The following ANKIB1 variants were observed in gnomAD, a reference collection of about 807,000 sequenced individuals.
ANKIB1 encodes ankyrin repeat and IBR domain containing 1, also known as ankyrin repeat and IBR domain-containing protein 1.
ANKIB1 carries 43 observed loss-of-function variants against 122.1 expected under a neutral mutation model. That is an observed-to-expected ratio of 0.35 (90% CI 0.28 to 0.45). The LOEUF (loss-of-function observed/expected upper bound fraction) is 0.45. Ranked by LOEUF, ANKIB1 falls within the 20% of genes least tolerant of loss-of-function variation. ANKIB1 has a pLI of 1.00. For missense variants in ANKIB1, 992 were observed against 1,329.5 expected, an observed-to-expected ratio of 0.75 and a Z score of 3.95; for synonymous variants, 390 against 442.0, an observed-to-expected ratio of 0.88 and a Z score of 1.48.
intron 4 of ANKIB1, chr7:92,319,727 C>T (rs897993381): frequency 2.8e-5 from 14 of 500,986 alleles, no homozygotes; most frequent in East Asian, 7.6e-5. Flanking sequence ...GCCAAGGCAC[C>T]GGAGTTCTGA....
chr7:92,352,232 T>C (rs549723717), intron 8 of ANKIB1, among the ~76,000 whole-genome samples: 2 of 152,324 alleles, frequency 1.3e-5, no homozygotes, highest in South Asian at 2.1e-4. Context: ...ACATGGTTTT[T>C]AGATTAAAGA....
At chr7:92,251,761 T>C (rs543279162) in intron 1 of ANKIB1, among the ~76,000 whole-genome samples, 2 of 152,294 alleles carry the variant, frequency 1.3e-5, no homozygotes, top group Admixed American at 6.5e-5. Flanking sequence ...CACTCTCTTA[T>C]ACAGCCAACA....
chr7:92,294,144 A>C (rs1209776511), intron 1 of ANKIB1, among the ~76,000 whole-genome samples: 1 of 152,220 alleles, frequency 6.6e-6, no homozygotes, highest in African/African-American at 2.4e-5. Flanking sequence ...ACATTGCTTC[A>C]GTAGTAAATA....
At chr7:92,390,405 A>G (rs1009155421) in intron 15 of ANKIB1, among the ~76,000 whole-genome samples, 3 of 152,156 alleles carry the variant, frequency 2.0e-5, no homozygotes, top group Non-Finnish European at 4.4e-5. Context: ...AATCAGGCAT[A>G]TTTCTGATTA....
intron 1 of ANKIB1, among the ~76,000 whole-genome samples, chr7:92,252,193 T>C (rs983603547): frequency 6.6e-6 from 1 of 152,224 alleles, no homozygotes; most frequent in Non-Finnish European, 1.5e-5. Flanking sequence ...CTTTGTGATT[T>C]ATTAGTGTTT....
intron 2 of ANKIB1, among the ~76,000 whole-genome samples, chr7:92,300,707 G>A (rs1009857876): frequency 2.0e-5 from 3 of 151,914 alleles, no homozygotes; most frequent in African/African-American, 4.8e-5. Flanking sequence ...TCTGTGTGGC[G>A]AAAATACTTA....
intron 11 of ANKIB1, among the ~76,000 whole-genome samples, chr7:92,382,823 A>G (rs1437954487): frequency 3.3e-5 from 5 of 152,196 alleles, no homozygotes; most frequent in African/African-American, 1.2e-4. Context: ...CATCACAATT[A>G]AAAGAACTAG....
intron 5 of ANKIB1, among the ~76,000 whole-genome samples, chr7:92,329,775 T>G (rs1803123284): frequency 6.6e-6 from 1 of 152,168 alleles, no homozygotes; most frequent in Admixed American, 6.5e-5. Context: ...TCTAATTATC[T>G]TTCAGCCTCC....
chr7:92,311,331 G>A (rs1802687360), intron 3 of ANKIB1, among the ~76,000 whole-genome samples: 2 of 152,134 alleles, frequency 1.3e-5, no homozygotes, highest in South Asian at 2.1e-4. Flanking sequence ...CTCAGCCACT[G>A]TAATAGTTTC....
chr7:92,287,789 A>T (rs1349590809), intron 1 of ANKIB1, among the ~76,000 whole-genome samples: 1 of 152,146 alleles, frequency 6.6e-6, no homozygotes, highest in Non-Finnish European at 1.5e-5. Context: ...TAATCCCAGC[A>T]CTTTGGGAGG....
At chr7:92,321,372 CTT>C (rs1354130564) in intron 4 of ANKIB1, among the ~76,000 whole-genome samples, 1 of 152,102 alleles carries the variant, frequency 6.6e-6, no homozygotes, top group East Asian at 1.9e-4. Flanking sequence ...TTATCTGAAA[CTT>C]TATACCCCCT....
rs1362329892 is a variant in ANKIB1, at chr7:92,246,313, C to T, written c.-297C>T. 2.4e-6 allele frequency: 1 copy of T among 410,592 alleles called. No individual in the cohort carries two copies. Among genetic ancestry groups the T allele is most frequent in the African/African-American group, 2.2e-5 (1 of 45,826 alleles). 25.4% of individuals were successfully genotyped at this position (410,592 alleles called of 1,614,324 possible). ...GCGCCTTCGGCTCACGCAGCGCTTC[C>T]CGCGGGCCGCCAGTGCGCACCCTCG... On this transcript the variant is annotated 5_prime_UTR_variant, in exon 1 of 20. Transcript: ENST00000265742.
At chr7:92,319,299 G>C in intron 3 of ANKIB1, 31 bp from the exon 4 acceptor site, 1 of 1,438,964 alleles carries the variant, frequency 6.9e-7, no homozygotes, top group Non-Finnish European at 9.4e-7. Context: ...TGAACCTGTA[G>C]TTGCAAGTTT....
At chr7:92,323,274 A>G (rs113772145) in intron 4 of ANKIB1, among the ~76,000 whole-genome samples, 1,965 of 152,270 alleles carry the variant, frequency 0.013, 40 homozygotes, top group African/African-American at 0.044. Flanking sequence ...TCTTGCTAGC[A>G]TTGAATATTA....
At chr7:92,373,453 A>T (rs975188956) in intron 11 of ANKIB1, among the ~76,000 whole-genome samples, 1 of 152,180 alleles carries the variant, frequency 6.6e-6, no homozygotes, top group Non-Finnish European at 1.5e-5. Context: ...AGGTAATCCA[A>T]CTTAAACAGA....
At chr7:92,285,121 G>A (rs989962282) in intron 1 of ANKIB1, among the ~76,000 whole-genome samples, 1 of 152,250 alleles carries the variant, frequency 6.6e-6, no homozygotes, top group African/African-American at 2.4e-5. Flanking sequence ...AGGCTGGAGT[G>A]CAGTGGCACT....
intron 10 of ANKIB1, among the ~76,000 whole-genome samples, chr7:92,366,570 C>G (rs1043154120): frequency 6.6e-6 from 1 of 152,174 alleles, no homozygotes; most frequent in Non-Finnish European, 1.5e-5. Context: ...TCTGGTAGAA[C>G]AAATCTCAGG....
chr7:92,340,732 T>C (rs1056902791), intron 5 of ANKIB1, among the ~76,000 whole-genome samples: 2 of 152,194 alleles, frequency 1.3e-5, no homozygotes, highest in Non-Finnish European at 2.9e-5. Flanking sequence ...GAAACAATAT[T>C]AGCTAATGTT....
chr7:92,396,543 A>G (rs947510403), intron 18 of ANKIB1, 67 bp downstream of exon 18: 6 of 806,586 alleles, frequency 7.4e-6, no homozygotes. Flanking sequence ...AAACTGGCTG[A>G]TGTAAATTTT....
Sources: allele counts gnomAD v4.1 joint callset (sites outside exome capture counted in the v4.1 genomes callset), GRCh38; gene constraint gnomAD v4.1.1; transcripts MANE v1.5; gene names NCBI Gene and HGNC (gene_info 2026-07-23, HGNC 2026-07-21).